Variants in LRRTM4 observed in about 807,000 individuals in gnomAD.
The protein encoded by LRRTM4 is leucine rich repeat transmembrane neuronal 4.
In LRRTM4, 25 loss-of-function variants were observed where a neutral mutation model predicts 47.6. The ratio of observed to expected loss-of-function variants is 0.53; its 90% CI spans 0.38 to 0.73. The LOEUF is 0.73. Ranked by LOEUF, LRRTM4 falls within the 30% of genes least tolerant of loss-of-function variation. The pLI, the probability that LRRTM4 is intolerant of heterozygous loss-of-function variation, is 0.00. For missense variants in LRRTM4, 638 were observed against 713.4 expected, an observed-to-expected ratio of 0.89 and a Z score of 1.20; for synonymous variants, 311 against 269.5, an observed-to-expected ratio of 1.15 and a Z score of -1.51.
At chr2:77,039,767 A>G (rs1678962351) in intron 3 of LRRTM4, among the ~76,000 whole-genome samples, 1 of 151,166 alleles carries the variant, frequency 6.6e-6, no homozygotes, top group South Asian at 2.1e-4. Context: ...GATTCTTTAA[A>G]TTTTTGTCTT....
Position 77,178,617 on chromosome 2 carries a change from A to T in LRRTM4, c.1551+339701T>A, listed in dbSNP as rs532522495. On this transcript the variant is annotated intron_variant, in intron 3 of 3. Transcript: ENST00000409884. The stretch of plus-strand genomic sequence containing the variant: ...AAACAACAACAACAACAACAACAAC[A>T]AATAATACTTTTTTCTTTACTGTTT... 5.9e-5 allele frequency among the ~76,000 whole-genome samples: 9 copies of T among 152,110 alleles called. No individual in the cohort carries two copies. The South Asian group carries it at 6.2e-4, about 11-fold the overall frequency.
rs80304931 is a variant in LRRTM4, at chr2:76,806,086, T to C, written c.1552-57170A>G. ...GATGCACGTACAGAACAAGGCAAAA[T>C]ATTGAAAGCAGAATACAAAACTTAG... On this transcript the variant is annotated intron_variant, in intron 3 of 3. Coordinates refer to ENST00000409884, the MANE Select transcript of LRRTM4 (RefSeq NM_001134745.3). Among the ~76,000 whole-genome samples, 624 of 152,136 alleles carry C rather than the reference T, an allele frequency of 4.1e-3. 3 individuals carry two copies. Among genetic ancestry groups the C allele is most frequent in the African/African-American group, 0.014 (599 of 41,492 alleles).
chr2:77,037,772 C>T (rs1678886298), intron 3 of LRRTM4, among the ~76,000 whole-genome samples: 1 of 151,718 alleles, frequency 6.6e-6, no homozygotes, highest in Non-Finnish European at 1.5e-5. Context: ...GAACATCAAC[C>T]ACCAGAGTTT....
chr2:76,794,630 T>A (rs1675167481), intron 3 of LRRTM4, among the ~76,000 whole-genome samples: 1 of 152,198 alleles, frequency 6.6e-6, no homozygotes, highest in Admixed American at 6.5e-5. Context: ...ATTTTATCTG[T>A]TTTCCTAGTA....
At chr2:77,011,531 TTGTGTG>T (rs56982328) in intron 3 of LRRTM4, among the ~76,000 whole-genome samples, 10,910 of 143,896 alleles carry the variant, frequency 0.076, 549 homozygotes, top group Admixed American at 0.16. Context: ...GAAGAAGCAT[TTGTGTG>T]TGTGTGTGTG....
chr2:76,980,101 T>C (rs1676554677), intron 3 of LRRTM4, among the ~76,000 whole-genome samples: 1 of 152,074 alleles, frequency 6.6e-6, no homozygotes, highest in Non-Finnish European at 1.5e-5. Context: ...AAAATTATAA[T>C]ACATAAACTA....
intron 3 of LRRTM4, among the ~76,000 whole-genome samples, chr2:77,066,023 G>T (rs1387773643): frequency 6.6e-6 from 1 of 152,184 alleles, no homozygotes; most frequent in East Asian, 1.9e-4. Flanking sequence ...GCAAATTCAG[G>T]ATGGTGCAAT....
intron 3 of LRRTM4, among the ~76,000 whole-genome samples, chr2:76,796,907 T>G (rs1675360988): frequency 6.6e-6 from 1 of 151,710 alleles, no homozygotes; most frequent in African/African-American, 2.4e-5. Context: ...AGAAGGGAAG[T>G]TTAGAGAAAA....
intron 3 of LRRTM4, among the ~76,000 whole-genome samples, chr2:76,905,790 TAGAGAAAAA>T (rs1307194442): frequency 2.0e-5 from 3 of 151,868 alleles, no homozygotes; most frequent in Non-Finnish European, 2.9e-5. Flanking sequence ...AAGGCAAGTT[TAGAGAAAAA>T]AGAAAAAAAA....
At chr2:77,480,822 G>GTGTGGAGAGA (rs1222517611) in intron 3 of LRRTM4, among the ~76,000 whole-genome samples, 19 of 74,518 alleles carry the variant, frequency 2.5e-4, no homozygotes, top group Non-Finnish European at 3.9e-4. Context: ...GTGTGTGTGT[G>GTGTGGAGAGA]GAGAGAGAGA....
chr2:77,202,094 T>C (rs1354542820), intron 3 of LRRTM4, among the ~76,000 whole-genome samples: 1 of 152,126 alleles, frequency 6.6e-6, no homozygotes, highest in East Asian at 1.9e-4. Flanking sequence ...TGACAGCTGC[T>C]GTCAGGTGAG....
At chr2:77,376,930 T>G (rs1672862839) in intron 3 of LRRTM4, among the ~76,000 whole-genome samples, 1 of 151,956 alleles carries the variant, frequency 6.6e-6, no homozygotes, top group African/African-American at 2.4e-5. Context: ...CAAGAACTAT[T>G]TGTAATTCTT....
intron 3 of LRRTM4, among the ~76,000 whole-genome samples, chr2:77,316,710 C>T (rs1677629318): frequency 6.6e-6 from 1 of 152,116 alleles, no homozygotes; most frequent in South Asian, 2.1e-4. Context: ...ACCACACCTA[C>T]ATTTTTTGGA....
At chr2:77,131,576 T>C (rs1671804514) in intron 3 of LRRTM4, among the ~76,000 whole-genome samples, 1 of 152,206 alleles carries the variant, frequency 6.6e-6, no homozygotes, top group Non-Finnish European at 1.5e-5. Flanking sequence ...AGTAATATAT[T>C]GCATAGGAAG....
At chr2:76,997,767 CA>C (rs1206821099) in intron 3 of LRRTM4, among the ~76,000 whole-genome samples, 1 of 152,120 alleles carries the variant, frequency 6.6e-6, no homozygotes, top group African/African-American at 2.4e-5. Context: ...AGGAGGTGAG[CA>C]CCGGCCAGCA....
At chr2:77,116,845 C>G (rs964917792) in intron 3 of LRRTM4, among the ~76,000 whole-genome samples, 2 of 152,042 alleles carry the variant, frequency 1.3e-5, no homozygotes, top group Non-Finnish European at 2.9e-5. Context: ...AAGAAGTGTA[C>G]AACTCAATGA....
At chr2:76,967,519 T>C (rs1013515557) in intron 3 of LRRTM4, among the ~76,000 whole-genome samples, 7 of 151,540 alleles carry the variant, frequency 4.6e-5, no homozygotes, top group African/African-American at 1.7e-4. Flanking sequence ...AAATGTGGGT[T>C]TGGGGCTTTT....
At chr2:77,071,547 A>C (rs1680155731) in intron 3 of LRRTM4, among the ~76,000 whole-genome samples, 1 of 152,206 alleles carries the variant, frequency 6.6e-6, no homozygotes. Context: ...GAAGACTAAC[A>C]ATAGCAATAA....
chr2:76,802,468 G>C (rs1675750955), intron 3 of LRRTM4, among the ~76,000 whole-genome samples: 1 of 151,974 alleles, frequency 6.6e-6, no homozygotes, highest in Non-Finnish European at 1.5e-5. Flanking sequence ...TAAATGGAAA[G>C]GGCCACAAAT....
Sources: allele counts gnomAD v4.1 joint callset (sites outside exome capture counted in the v4.1 genomes callset), GRCh38; gene constraint gnomAD v4.1.1; transcripts MANE v1.5; gene names NCBI Gene and HGNC (gene_info 2026-07-23, HGNC 2026-07-21).